STK32B: variants seen among roughly 807,000 people sequenced by gnomAD.
STK32B encodes the protein serine/threonine kinase 32B.
A neutral mutation model predicts 52.6 loss-of-function variants in STK32B; 43 were observed. The ratio of observed to expected loss-of-function variants is 0.82; its 90% CI spans 0.64 to 1.05. STK32B has a LOEUF of 1.05. Among genes scored for constraint, STK32B ranks in the 50% least tolerant of loss-of-function variants. STK32B has a pLI of 0.00. For synonymous variants in STK32B, 238 were observed against 204.3 expected, an observed-to-expected ratio of 1.17 and a Z score of -1.41; for missense variants, 621 against 534.6, an observed-to-expected ratio of 1.16 and a Z score of -1.59.
At chr4:5,105,609 G>T (rs1714054491) in intron 1 of STK32B, among the ~76,000 whole-genome samples, 1 of 152,016 alleles carries the variant, frequency 6.6e-6, no homozygotes, top group East Asian at 2.0e-4. Flanking sequence ...TCTCACCCAG[G>T]CTGGAGTGTA....
At chr4:5,462,666 G>A (rs555298457) in intron 9 of STK32B, among the ~76,000 whole-genome samples, 1 of 152,294 alleles carries the variant, frequency 6.6e-6, no homozygotes, top group African/African-American at 2.4e-5. Flanking sequence ...AGACAACAGT[G>A]CACAGCCCCC....
At chr4:5,370,037 G>T (rs1463461408) in intron 4 of STK32B, among the ~76,000 whole-genome samples, 1 of 151,898 alleles carries the variant, frequency 6.6e-6, no homozygotes, top group African/African-American at 2.4e-5. Flanking sequence ...ATCACGCCCG[G>T]CTAATTTTTT....
intron 3 of STK32B, among the ~76,000 whole-genome samples, chr4:5,244,462 T>C (rs994187880): frequency 3.3e-5 from 5 of 152,198 alleles, no homozygotes; most frequent in African/African-American, 1.2e-4. Context: ...TTGATTCTTC[T>C]CTCTTTTCTT....
intron 3 of STK32B, among the ~76,000 whole-genome samples, chr4:5,260,045 C>G (rs1273843231): frequency 6.6e-6 from 1 of 151,654 alleles, no homozygotes; most frequent in African/African-American, 2.4e-5. Flanking sequence ...GACTTATCCT[C>G]CAATGTGGAA....
At chr4:5,060,599 C>T (rs1329424617) in intron 1 of STK32B, among the ~76,000 whole-genome samples, 2 of 151,818 alleles carry the variant, frequency 1.3e-5, no homozygotes. Context: ...ATTATACTTA[C>T]GTATTCTACA....
intron 3 of STK32B, among the ~76,000 whole-genome samples, chr4:5,275,787 A>G (rs1456070575): frequency 2.6e-5 from 4 of 152,008 alleles, no homozygotes; most frequent in African/African-American, 4.8e-5. Context: ...CACACTGAGT[A>G]CTGCTGGTGG....
intron 1 of STK32B, among the ~76,000 whole-genome samples, chr4:5,133,851 T>C (rs1261167318): frequency 3.3e-5 from 5 of 152,206 alleles, no homozygotes; most frequent in Non-Finnish European, 7.3e-5. Flanking sequence ...TCATCCTGAC[T>C]TGGGGATGCA....
At chr4:5,422,650 G>A (rs1168453803) in intron 6 of STK32B, among the ~76,000 whole-genome samples, 1 of 152,212 alleles carries the variant, frequency 6.6e-6, no homozygotes, top group Non-Finnish European at 1.5e-5. Flanking sequence ...CATTTACTGA[G>A]TGTTTAGGAG....
chr4:5,490,986 G>C (rs1182817369), intron 11 of STK32B, among the ~76,000 whole-genome samples: 2 of 152,138 alleles, frequency 1.3e-5, no homozygotes, highest in Non-Finnish European at 2.9e-5. Context: ...TTGGACATTT[G>C]GGTTGGTTCT....
intron 3 of STK32B, among the ~76,000 whole-genome samples, chr4:5,283,783 A>G (rs921130710): frequency 1.3e-5 from 2 of 152,210 alleles, no homozygotes; most frequent in African/African-American, 4.8e-5. Context: ...TGGGCAAACA[A>G]AGCTAAAGGA....
intron 3 of STK32B, among the ~76,000 whole-genome samples, chr4:5,307,274 T>C (rs1243584288): frequency 6.6e-6 from 1 of 152,156 alleles, no homozygotes; most frequent in Non-Finnish European, 1.5e-5. Context: ...GAAACAAAAA[T>C]TATTCTTAGA....
intron 3 of STK32B, among the ~76,000 whole-genome samples, chr4:5,258,136 A>T (rs1457440884): frequency 1.3e-5 from 2 of 152,170 alleles, no homozygotes; most frequent in Non-Finnish European, 2.9e-5. Context: ...CCTAGCGGAT[A>T]GTCAGGGACT....
chr4:5,062,345 T>G (rs773653352), intron 1 of STK32B, among the ~76,000 whole-genome samples: 2 of 152,202 alleles, frequency 1.3e-5, no homozygotes, highest in Non-Finnish European at 2.9e-5. Context: ...TAACTGTAAG[T>G]TGTGTCTTTT....
chr4:5,126,506 C>T (rs1318752854), intron 1 of STK32B, among the ~76,000 whole-genome samples: 1 of 152,236 alleles, frequency 6.6e-6, no homozygotes, highest in Non-Finnish European at 1.5e-5. Context: ...TGCCCAGTGT[C>T]TCACTGTCTA....
chr4:5,133,076 G>T (rs1032448785), intron 1 of STK32B, among the ~76,000 whole-genome samples: 2 of 152,206 alleles, frequency 1.3e-5, no homozygotes, highest in African/African-American at 4.8e-5. Flanking sequence ...GGGATTACAG[G>T]CATGAGCCAC....
rs544616082 is a variant in STK32B at position 5,406,972 on chromosome 4, G to C, written c.472+8728G>C. On this transcript the variant is annotated intron_variant, in intron 5 of 11. Transcript: ENST00000282908. Reference sequence around the variant, plus strand: ...TTTTTCTTTTCTACCACATGGCCAGGCTGCATTTTCCAAACTTTTACATTC... The same window carrying C: ...TTTTTCTTTTCTACCACATGGCCAGCCTGCATTTTCCAAACTTTTACATTC... Among the ~76,000 whole-genome samples the C allele has an allele frequency of 2.0e-4, 30 of 152,218 alleles. No homozygotes were observed. In the South Asian group the frequency reaches 3.1e-3, roughly 16 times the overall value.
intron 3 of STK32B, among the ~76,000 whole-genome samples, chr4:5,258,603 C>A (rs1332052275): frequency 6.6e-6 from 1 of 152,166 alleles, no homozygotes; most frequent in African/African-American, 2.4e-5. Flanking sequence ...CCTTTCCCAC[C>A]CTACATCTAA....
chr4:5,049,879 G>T (rs28458457), upstream of STK32B, among the ~76,000 whole-genome samples: 3,140 of 152,228 alleles, frequency 0.021, 44 homozygotes, highest in South Asian at 0.066. Flanking sequence ...GAGCCCCCAC[G>T]CCCGGCCTAG....
At chr4:5,276,815 T>C (rs1727854210) in intron 3 of STK32B, among the ~76,000 whole-genome samples, 1 of 152,124 alleles carries the variant, frequency 6.6e-6, no homozygotes, top group Non-Finnish European at 1.5e-5. Flanking sequence ...GGGTGCAGTT[T>C]CCGCTTCTTC....
Sources: allele counts gnomAD v4.1 joint callset (sites outside exome capture counted in the v4.1 genomes callset), GRCh38; gene constraint gnomAD v4.1.1; transcripts MANE v1.5; gene names NCBI Gene and HGNC (gene_info 2026-07-23, HGNC 2026-07-21).